Variants in ARFGEF3 observed in about 807,000 individuals in gnomAD.
ARFGEF3 encodes the protein ARFGEF family member 3.
ARFGEF3 carries 96 observed loss-of-function variants against 221.7 expected under a neutral mutation model. The observed-to-expected ratio is 0.43, with a 90% CI of 0.37 to 0.51. The LOEUF is 0.51. Among genes scored for constraint, ARFGEF3 ranks in the 20% least tolerant of loss-of-function variants. The pLI is 0.00. For synonymous variants in ARFGEF3, 1,145 were observed against 1,126.8 expected (o/e 1.02, Z -0.32); for missense variants, 2,410 against 2,789.9 (o/e 0.86, Z 3.07).
In ARFGEF3 at chr6:138,319,709, G is replaced by C; in HGVS notation, c.4481G>C (p.Gly1494Ala). 6.3e-7 allele frequency: 1 copy of C among 1,592,178 alleles called. No individual in the cohort carries two copies. Among genetic ancestry groups the C allele is most frequent in the Non-Finnish European group, 8.5e-7 (1 of 1,172,264 alleles). Residue 1494 changes from glycine to alanine, a missense_variant, in exon 28 of 34, where the codon GGG becomes GCG. This residue lies in a region of ARFGEF3 where 723 missense variants were observed against 991.9 expected (regional missense o/e 0.73). Coordinates refer to ENST00000251691, the MANE Select transcript of ARFGEF3 (RefSeq NM_020340.5). The stretch of plus-strand genomic sequence containing the variant: ...GCTGACTTTTCTTTTTCAGGACCAG[G>C]GTTTGGTATCTATGCAGTGGTTCAC... ...LRDVTKTPGP[G>A]FGIYAVVHLL...
chr6:138,301,404 C>A (rs1047921667), intron 22 of ARFGEF3, among the ~76,000 whole-genome samples: 1 of 152,174 alleles, frequency 6.6e-6, no homozygotes, highest in Non-Finnish European at 1.5e-5. Context: ...GTAGTTTGAC[C>A]AGCGTGAGGC....
At chr6:138,295,649 GA>G (rs1779498834) in intron 20 of ARFGEF3, among the ~76,000 whole-genome samples, 1 of 149,038 alleles carries the variant, frequency 6.7e-6, no homozygotes, top group African/African-American at 2.5e-5. Flanking sequence ...AAGAAAGAAA[GA>G]AAATATAATT....
chr6:138,238,608 T>G lies in ARFGEF3; in HGVS notation c.520T>G (p.Leu174Val), dbSNP rs773819110. Residue 174 changes from leucine to valine, a missense_variant, in exon 6 of 34, where the codon TTA becomes GTA. Transcript: ENST00000251691. ...AATGCTGAGTGACTTGACTTTACAG[T>G]TACGACAGAGGCAGGAGAATACGGT... ...SQMLSDLTLQ[L>V]RQRQENTIIE... 7 of 1,613,716 alleles carry G rather than the reference T, an allele frequency of 4.3e-6. No individual in the cohort carries two copies. The Admixed American group carries it at 1.2e-4, about 27-fold the overall frequency.
intron 19 of ARFGEF3, 91 bp from the exon 20 acceptor site, chr6:138,293,902 A>T: frequency 1.6e-6 from 2 of 1,286,580 alleles, no homozygotes; most frequent in Non-Finnish European, 2.2e-6. Context: ...CATTTCCATT[A>T]ATCACATCAA....
chr6:138,306,994 C>T (rs1026032332), intron 22 of ARFGEF3, among the ~76,000 whole-genome samples: 12 of 147,110 alleles, frequency 8.2e-5, no homozygotes, highest in Admixed American at 2.0e-4. Flanking sequence ...AAGACATGAA[C>T]CCAATTTTTA....
Position 138,311,429 on chromosome 6 carries a change from TG to T in ARFGEF3, c.4121del (p.Gly1374GlufsTer37). 1 of 1,608,216 alleles carries T rather than the reference TG, an allele frequency of 6.2e-7. No individual in the cohort carries two copies. Among genetic ancestry groups the T allele is most frequent in the Non-Finnish European group, 8.5e-7 (1 of 1,177,706 alleles). On this transcript the variant is annotated frameshift_variant, in exon 25 of 34. Transcript: ENST00000251691. LOFTEE classifies it high-confidence loss of function. ...TAGGGGAGGTGGACTGTAAAGAGATTGGAGACTGTGCCCCAGCACCCGGAGC... is the reference window on the plus strand; with the variant it reads ...TAGGGGAGGTGGACTGTAAAGAGATTGAGACTGTGCCCCAGCACCCGGAGC... ...GLGEVDCKEIGDCAPAPGAPS... is the reference protein window; with the variant it reads ...GLGEVDCKEIXDCAPAPGAPS...
chr6:138,261,161 G>A (rs372250823), intron 10 of ARFGEF3, among the ~76,000 whole-genome samples: 34 of 152,272 alleles, frequency 2.2e-4, no homozygotes, highest in Non-Finnish European at 3.8e-4. Context: ...GAAGCTAGCC[G>A]ACTTGATACC....
rs772861520 is a variant in ARFGEF3 at position 138,210,003 on chromosome 6, C to G, written c.313C>G (p.Pro105Ala). The G allele has an allele frequency of 1.9e-6, 3 of 1,613,842 alleles. No homozygotes were observed. The highest frequency in any genetic ancestry group is 2.2e-5 in the East Asian group (1 of 44,874). ...GATACTGAATGCCGTGAAAGTGACG[C>G]CTTCGCTCAACGAGGACCTGCAGGT... The part of the protein sequence containing the change: ...NQILNAVKVT[P>A]SLNEDLQVEV... The change falls in exon 4 of 34, where the codon CCT becomes GCT. Residue 105 changes from proline (P) to alanine (A), a missense_variant. This residue lies in a region of ARFGEF3 where 570 missense variants were observed against 586.9 expected (regional missense o/e 0.97). Transcript: ENST00000251691.
At chr6:138,265,800 CTCTT>C (rs796767448) in intron 12 of ARFGEF3, among the ~76,000 whole-genome samples, 11 of 152,228 alleles carry the variant, frequency 7.2e-5, no homozygotes, top group African/African-American at 2.2e-4. Context: ...CGGTCTCTCT[CTCTT>C]TTATTTTGTA....
intron 11 of ARFGEF3, 70 bp from the exon 12 acceptor site, chr6:138,262,631 C>T: frequency 6.8e-7 from 1 of 1,469,438 alleles, no homozygotes; most frequent in Non-Finnish European, 9.3e-7. Flanking sequence ...GGCTAACACT[C>T]TTGTTCCTTT....
intron 32 of ARFGEF3, among the ~76,000 whole-genome samples, chr6:138,330,726 C>T (rs988053115): frequency 1.8e-5 from 2 of 112,428 alleles, no homozygotes; most frequent in African/African-American, 1.2e-4. Flanking sequence ...ATTAATATAA[C>T]AATCAATCAT....
intron 6 of ARFGEF3, 33 bp from the exon 7 acceptor site, chr6:138,242,919 C>T: frequency 6.3e-7 from 1 of 1,582,204 alleles, no homozygotes; most frequent in Non-Finnish European, 8.7e-7. Flanking sequence ...TTGCCTGAAT[C>T]TCCTAATTGT....
At chr6:138,202,285 G>A (rs539920044) in intron 2 of ARFGEF3, among the ~76,000 whole-genome samples, 1 of 152,294 alleles carries the variant, frequency 6.6e-6, no homozygotes, top group South Asian at 2.1e-4. Flanking sequence ...AGGGGATTGA[G>A]TGTGTGCCAT....
In ARFGEF3 at chr6:138,210,057, C is replaced by G; in HGVS notation, c.351+16C>G. On this transcript the variant is annotated intron_variant, in intron 4 of 33. Coordinates refer to ENST00000251691, the MANE Select transcript of ARFGEF3 (RefSeq NM_020340.5). Reference sequence around the variant, plus strand: ...AGTGATGAAGGTTGGTTTGACGTGGCCAAGAGTGTGCGTCACTGGGACAGG... The same window carrying G: ...AGTGATGAAGGTTGGTTTGACGTGGGCAAGAGTGTGCGTCACTGGGACAGG... 6.2e-7 allele frequency: 1 copy of G among 1,612,134 alleles called. No homozygotes were observed. Among genetic ancestry groups the G allele is most frequent in the Non-Finnish European group, 8.5e-7 (1 of 1,178,976 alleles).
At chr6:138,213,288 A>AG (rs1777768806) in intron 4 of ARFGEF3, among the ~76,000 whole-genome samples, 2 of 85,746 alleles carry the variant, frequency 2.3e-5, no homozygotes, top group African/African-American at 2.2e-4. Context: ...ACTCCATCTC[A>AG]AAAAAAAAAA....
Position 138,229,862 on chromosome 6 carries a change from G to C in ARFGEF3, c.420+10G>C, listed in dbSNP as rs1778157191. On this transcript the variant is annotated intron_variant, in intron 5 of 33. Transcript: ENST00000251691. ...GCTGAAGATCGCGGAGGTGAGTACT[G>C]CTTGTGTCTGTGCCTCCTGTTCACA... 5 of 1,611,622 alleles carry C rather than the reference G, an allele frequency of 3.1e-6. No individual in the cohort carries two copies. In the Admixed American group the frequency reaches 5.0e-5, roughly 16 times the overall value.
At position 138,336,436 on chromosome 6, in the gene ARFGEF3, G is replaced by T. The variant is rs369376112; in HGVS notation, c.6484G>T (p.Val2162Leu). 4.1e-5 allele frequency: 66 copies of T among 1,613,090 alleles called. No individual in the cohort carries two copies. Among genetic ancestry groups the T allele is most frequent in the Non-Finnish European group, 5.3e-5 (63 of 1,179,592 alleles). The change falls in exon 34 of 34, where the codon GTG (valine) becomes TTG (leucine). Residue 2162 changes from valine (V) to leucine (L), a missense_variant. Transcript: ENST00000251691. ...HVTDIRVRQA[V>L]REWLGRVGRV... The stretch of plus-strand genomic sequence containing the variant: ...GACCGACATCAGAGTTCGCCAGGCT[G>T]TGAGGGAGTGGCTGGGCAGGGTGGG...
At chr6:138,236,781 T>C (rs1302246631) in intron 5 of ARFGEF3, among the ~76,000 whole-genome samples, 1 of 152,234 alleles carries the variant, frequency 6.6e-6, no homozygotes, top group Non-Finnish European at 1.5e-5. Context: ...AAACACCTTT[T>C]CTTTTCTAAG....
At chr6:138,220,413 TTTTTTA>T (rs1304932068) in intron 4 of ARFGEF3, among the ~76,000 whole-genome samples, 1 of 152,200 alleles carries the variant, frequency 6.6e-6, no homozygotes, top group Non-Finnish European at 1.5e-5. Flanking sequence ...TAATTAAGAA[TTTTTTA>T]TTTTTATTTT....
Sources: allele counts gnomAD v4.1 joint callset (sites outside exome capture counted in the v4.1 genomes callset), GRCh38; gene constraint gnomAD v4.1.1; regional missense constraint gnomAD v4.1.1; transcripts MANE v1.5; gene names NCBI Gene and HGNC (gene_info 2026-07-23, HGNC 2026-07-21).